FREM3: variants seen among roughly 807,000 people sequenced by gnomAD.
The protein encoded by FREM3 is FRAS1 related extracellular matrix 3, also known as FRAS1-related extracellular matrix protein 3.
Under a neutral mutation model 129.1 loss-of-function variants are expected in FREM3, and 105 were observed. That is an observed-to-expected ratio of 0.81 (90% CI 0.69 to 0.96). The LOEUF is 0.96. Among genes scored for constraint, FREM3 ranks in the 40% least tolerant of loss-of-function variants. The pLI, the probability that FREM3 is intolerant of heterozygous loss-of-function variation, is 0.00. For missense variants in FREM3, 2,593 were observed against 2,666.3 expected, an observed-to-expected ratio of 0.97 and a Z score of 0.61; for synonymous variants, 1,014 against 1,044.9, an observed-to-expected ratio of 0.97 and a Z score of 0.57.
intron 5 of FREM3, among the ~76,000 whole-genome samples, chr4:143,620,434 G>A (rs6824005): frequency 0.11 from 17,149 of 152,172 alleles, 2,879 homozygotes; most frequent in African/African-American, 0.37. Flanking sequence ...TTCGTTTTCT[G>A]CATAGTTGCT....
rs547060963 is a variant in FREM3 at position 143,684,711 on chromosome 4, G to T, written c.5275+8402C>A. Among the ~76,000 whole-genome samples the T allele has an allele frequency of 1.1e-4, 17 of 152,336 alleles. No individual in the cohort carries two copies. In the South Asian group the frequency reaches 3.3e-3, roughly 30 times the overall value. ...GAGGTTAGTTATTAAGCTAATCAGG[G>T]AGGGACCAGCGGAAGGCGAAGCCCA... On this transcript the variant is annotated intron_variant, in intron 2 of 7. Coordinates refer to ENST00000329798, the MANE Select transcript of FREM3 (RefSeq NM_001168235.2).
At chr4:143,594,323 G>A (rs1490516267) in intron 6 of FREM3, among the ~76,000 whole-genome samples, 4 of 152,146 alleles carry the variant, frequency 2.6e-5, no homozygotes, top group Admixed American at 1.3e-4. Flanking sequence ...TGTCGCTCAC[G>A]CTGGGAGCTG....
chr4:143,651,038 A>G (rs1739501820), intron 2 of FREM3, among the ~76,000 whole-genome samples: 1 of 152,196 alleles, frequency 6.6e-6, no homozygotes, highest in Admixed American at 6.5e-5. Flanking sequence ...CCTTTTAATA[A>G]TATTCATATG....
At position 143,585,745 on chromosome 4, in the gene FREM3, G is replaced by T; in HGVS notation, c.6178+99C>A. On this transcript the variant is annotated intron_variant, in intron 7 of 7. Transcript: ENST00000329798. The surrounding 1 kb of genome is among the most constrained non-coding windows in gnomAD (Gnocchi z 4.2). ...GAAGCCAGAGAAACTTTCATTCAGAGTCCATCAACAAAGACTAAGCATGCT... is the reference window on the plus strand; with the variant it reads ...GAAGCCAGAGAAACTTTCATTCAGATTCCATCAACAAAGACTAAGCATGCT... The T allele has an allele frequency of 1.7e-6, 2 of 1,208,574 alleles. No homozygotes were observed. Among genetic ancestry groups the T allele is most frequent in the Non-Finnish European group, 2.3e-6 (2 of 884,268 alleles). 74.9% of individuals were successfully genotyped at this position (1,208,574 alleles called of 1,614,324 possible). A position where few individuals can be genotyped will look rare whatever the true frequency, so the allele number is the denominator to read the frequency against.
At chr4:143,690,181 T>G (rs1740440582) in intron 2 of FREM3, among the ~76,000 whole-genome samples, 1 of 152,172 alleles carries the variant, frequency 6.6e-6, no homozygotes, top group Admixed American at 6.5e-5. Flanking sequence ...AGGAAACTAA[T>G]AAAATCCTCA....
chr4:143,676,699 G>A lies in FREM3; in HGVS notation c.5275+16414C>T, dbSNP rs551104100. ...GATAAGCAACTTCAGCAAAGTCTCA[G>A]GATACAAAATCAGTGTGCAAAAATC... On this transcript the variant is annotated intron_variant, in intron 2 of 7. Transcript: ENST00000329798. 3.9e-3 allele frequency among the ~76,000 whole-genome samples: 594 copies of A among 152,242 alleles called. 2 individuals are homozygous for A. Among genetic ancestry groups the A allele is most frequent in the Non-Finnish European group, 6.0e-3 (405 of 68,020 alleles).
Position 143,696,461 on chromosome 4 carries a change from A to G in FREM3, c.4215T>C (p.Asp1405=), listed in dbSNP as rs1578874773. The G allele has an allele frequency of 4.3e-5, 66 of 1,537,716 alleles. No individual in the cohort carries two copies. The highest frequency in any genetic ancestry group is 5.5e-5 in the Non-Finnish European group (63 of 1,147,028). The change falls in exon 1 of 8, where the codon GAT becomes GAC. Residue 1405 remains aspartate, a synonymous_variant. Coordinates refer to ENST00000329798, the MANE Select transcript of FREM3 (RefSeq NM_001168235.2). ...AGTGGTCTGTCAAAGTGTTAACCCC[A>G]TCAGTAACATCAAACTTGATAATGT... ...IVDIIKFDVT[D]GVNTLTDHYF... is the part of the protein sequence containing the mutation.
chr4:143,622,403 CTTTTTTTT>C (rs35835336), intron 4 of FREM3, among the ~76,000 whole-genome samples: 1 of 138,860 alleles, frequency 7.2e-6, no homozygotes, highest in Admixed American at 7.2e-5. Flanking sequence ...TGGCAATCAT[CTTTTTTTT>C]TTTTTTTTTT....
intron 2 of FREM3, among the ~76,000 whole-genome samples, chr4:143,688,147 T>A (rs1368361408): frequency 6.6e-6 from 1 of 152,128 alleles, no homozygotes; most frequent in East Asian, 1.9e-4. Context: ...CTAGAACTGA[T>A]AAAAGAATTC....
In FREM3 at chr4:143,699,815, G is replaced by A. The variant is rs767413118; in HGVS notation, c.861C>T (p.Arg287=). 5 of 1,536,502 alleles carry A rather than the reference G, an allele frequency of 3.3e-6. No individual in the cohort carries two copies. Among genetic ancestry groups the A allele is most frequent in the Non-Finnish European group, 2.6e-6 (3 of 1,146,876 alleles). ...QDAGSAGVLV[R]EHFQLLVRIR... is the part of the protein sequence containing the mutation. ...TCCTCACGAGCAGCTGGAAGTGCTC[G>A]CGGACCAGCACACCCGCGGACCCAG... Residue 287 remains arginine, a synonymous_variant, in exon 1 of 8, where the codon CGC becomes CGT. Coordinates refer to ENST00000329798, the MANE Select transcript of FREM3 (RefSeq NM_001168235.2). The surrounding 1 kb of genome is among the most constrained non-coding windows in gnomAD (Gnocchi z 4.2).
At chr4:143,580,761 G>A (rs1738128579) in intron 7 of FREM3, among the ~76,000 whole-genome samples, 1 of 152,242 alleles carries the variant, frequency 6.6e-6, no homozygotes, top group South Asian at 2.1e-4. Context: ...AGGCCTGTCA[G>A]TTTTGCTGGT....
At chr4:143,581,787 C>T (rs945170931) in intron 7 of FREM3, among the ~76,000 whole-genome samples, 2 of 152,198 alleles carry the variant, frequency 1.3e-5, no homozygotes, top group South Asian at 2.1e-4. Flanking sequence ...CCTGGCTGAA[C>T]ATTTCCATTG....
intron 1 of FREM3, 38 bp from the exon 2 acceptor site, chr4:143,693,240 C>A: frequency 9.1e-7 from 1 of 1,096,072 alleles, no homozygotes; most frequent in Non-Finnish European, 1.3e-6. Context: ...GTCATATTGG[C>A]ACAAATGAAA....
At chr4:143,620,498 TCTGG>T (rs1738927355) in intron 5 of FREM3, among the ~76,000 whole-genome samples, 1 of 152,176 alleles carries the variant, frequency 6.6e-6, no homozygotes, top group Non-Finnish European at 1.5e-5. Flanking sequence ...GACAGCTAAA[TCTGG>T]CTGTATAGAA....
At chr4:143,599,853 G>T (rs913879937) in intron 6 of FREM3, among the ~76,000 whole-genome samples, 1 of 152,130 alleles carries the variant, frequency 6.6e-6, no homozygotes, top group East Asian at 1.9e-4. Context: ...TGATACTAGC[G>T]CAGGATGTGG....
In FREM3 at chr4:143,698,668, C is replaced by A; in HGVS notation, c.2008G>T (p.Val670Phe). ...LGPHSPQSVM[V>F]QLAFHVQDDH... Reference sequence around the variant, plus strand: ...TCCTGCACATGGAAAGCCAGCTGGACCATTACAGATTGAGGGCTGTGTGGT... The same window carrying A: ...TCCTGCACATGGAAAGCCAGCTGGAACATTACAGATTGAGGGCTGTGTGGT... The change falls in exon 1 of 8, where the codon GTC (valine) becomes TTC (phenylalanine). Residue 670 changes from valine to phenylalanine, a missense_variant. Coordinates refer to ENST00000329798, the MANE Select transcript of FREM3 (RefSeq NM_001168235.2). 1 of 1,537,680 alleles carries A rather than the reference C, an allele frequency of 6.5e-7. No individual in the cohort carries two copies. The highest frequency in any genetic ancestry group is 8.7e-7 in the Non-Finnish European group (1 of 1,147,010).
intron 2 of FREM3, among the ~76,000 whole-genome samples, chr4:143,678,291 CA>C (rs1245964565): frequency 1.3e-5 from 2 of 150,912 alleles, no homozygotes; most frequent in African/African-American, 2.4e-5. Context: ...ATTGCAAGGA[CA>C]AAAAAACCAA....
intron 6 of FREM3, among the ~76,000 whole-genome samples, chr4:143,590,979 G>A (rs966481485): frequency 3.2e-4 from 48 of 152,316 alleles, no homozygotes; most frequent in Non-Finnish European, 6.2e-4. Flanking sequence ...GAGTGTATAT[G>A]TCGAGGAATT....
chr4:143,668,081 A>G (rs1739897316), intron 2 of FREM3, among the ~76,000 whole-genome samples: 1 of 152,250 alleles, frequency 6.6e-6, no homozygotes, highest in Non-Finnish European at 1.5e-5. Flanking sequence ...TAAATAGATG[A>G]AAGTGTTTTA....
Sources: gnomAD v4.1 joint callset for allele counts (sites outside exome capture counted in the v4.1 genomes callset) on GRCh38, gnomAD v4.1.1 for gene constraint, Gnocchi (gnomAD v3.1) non-coding constraint, MANE v1.5 for transcripts, NCBI Gene and HGNC (gene_info 2026-07-23, HGNC 2026-07-21) for gene names.